The following ASAP1 variants were observed in gnomAD, a reference collection of about 807,000 sequenced individuals.
ASAP1 encodes the protein arf-GAP with SH3 domain, ANK repeat and PH domain-containing protein 1.
A neutral mutation model predicts 145.2 loss-of-function variants in ASAP1; 43 were observed. That is an observed-to-expected ratio of 0.30 (90% CI 0.23 to 0.38). The LOEUF is 0.38. Among genes scored for constraint, ASAP1 ranks in the 10% least tolerant of loss-of-function variants. ASAP1 has a pLI of 1.00. For synonymous variants in ASAP1, 546 were observed against 515.5 expected, an observed-to-expected ratio of 1.06 and a Z score of -0.80; for missense variants, 1,018 against 1,355.3, an observed-to-expected ratio of 0.75 and a Z score of 3.91.
At chr8:130,401,538 T>C (rs1179405868) in intron 2 of ASAP1, among the ~76,000 whole-genome samples, 1 of 152,144 alleles carries the variant, frequency 6.6e-6, no homozygotes, top group African/African-American at 2.4e-5. Context: ...AGCCACCATG[T>C]CCAGCCTGAA....
chr8:130,341,674 TTAAA>T (rs1189711293), intron 3 of ASAP1, among the ~76,000 whole-genome samples: 2 of 152,154 alleles, frequency 1.3e-5, no homozygotes, highest in East Asian at 3.8e-4. Flanking sequence ...GGTGCAAAGA[TTAAA>T]TAATTCCGTG....
Position 130,135,439 on chromosome 8 carries a change from T to C in ASAP1, c.1169-1095A>G, listed in dbSNP as rs796663137. 3.9e-5 allele frequency among the ~76,000 whole-genome samples: 6 copies of C among 152,050 alleles called. No homozygotes were observed. The South Asian group carries it at 1.2e-3, about 32-fold the overall frequency. ...GGTTGAGGCTGCAGTGAGCTGCGAC[T>C]GAACCACTGCACTGCAGCCTGGGTG... On this transcript the variant is annotated intron_variant, in intron 14 of 29. Coordinates refer to ENST00000518721, the MANE Select transcript of ASAP1 (RefSeq NM_018482.4).
intron 1 of ASAP1, among the ~76,000 whole-genome samples, chr8:130,440,254 C>G (rs1830445993): frequency 6.6e-6 from 1 of 152,094 alleles, no homozygotes; most frequent in African/African-American, 2.4e-5. Flanking sequence ...AAAGCAATCT[C>G]AAAAATGTCC....
At chr8:130,082,079 C>T (rs1209901846) in intron 25 of ASAP1, among the ~76,000 whole-genome samples, 3 of 152,180 alleles carry the variant, frequency 2.0e-5, no homozygotes, top group Non-Finnish European at 4.4e-5. Flanking sequence ...CACCTATCAC[C>T]TCCTGGTCTG....
At chr8:130,100,568 A>T (rs2097527024) in intron 24 of ASAP1, among the ~76,000 whole-genome samples, 2 of 152,080 alleles carry the variant, frequency 1.3e-5, no homozygotes, top group South Asian at 4.1e-4. Context: ...ACCTCAGGCA[A>T]TCTACCCACC....
intron 3 of ASAP1, among the ~76,000 whole-genome samples, chr8:130,357,717 G>T (rs976403731): frequency 2.6e-5 from 4 of 152,256 alleles, no homozygotes; most frequent in African/African-American, 9.6e-5. Flanking sequence ...AGATGTGGAA[G>T]CGCCGAACAG....
chr8:130,115,546 C>T (rs1256913003), intron 23 of ASAP1, 82 bp downstream of exon 23: 1 of 1,082,894 alleles, frequency 9.2e-7, no homozygotes, highest in East Asian at 2.4e-5. Flanking sequence ...ATCAATCAAT[C>T]TCACCAAAAA....
intron 2 of ASAP1, among the ~76,000 whole-genome samples, chr8:130,363,755 G>A (rs888322198): frequency 4.6e-5 from 7 of 152,188 alleles, no homozygotes; most frequent in African/African-American, 7.2e-5. Context: ...TCTGCTGCCT[G>A]CAAAATTGGT....
At chr8:130,087,179 A>C (rs1355361458) in intron 25 of ASAP1, among the ~76,000 whole-genome samples, 1 of 152,132 alleles carries the variant, frequency 6.6e-6, no homozygotes, top group Non-Finnish European at 1.5e-5. Context: ...TGCCCCTGAG[A>C]CCAGAAACAC....
intron 3 of ASAP1, chr8:130,340,948 T>TTTTTTGTTTTTG (rs372372205): frequency 2.2e-6 from 1 of 447,610 alleles, no homozygotes. Context: ...TACTAGGTTT[T>TTTTTTGTTTTTG]TTTTTGTTTT....
chr8:130,182,513 C>A (rs2136185247), intron 7 of ASAP1, among the ~76,000 whole-genome samples: 1 of 152,230 alleles, frequency 6.6e-6, no homozygotes, highest in Middle Eastern at 3.4e-3. Context: ...ATTTGGAAAA[C>A]CCCTAATAAA....
At chr8:130,398,409 T>A (rs1448207872) in intron 2 of ASAP1, among the ~76,000 whole-genome samples, 2 of 152,122 alleles carry the variant, frequency 1.3e-5, no homozygotes, top group Non-Finnish European at 2.9e-5. Flanking sequence ...AATAATGGTA[T>A]AGTAGTAATA....
intron 3 of ASAP1, among the ~76,000 whole-genome samples, chr8:130,254,374 A>C (rs1819387925): frequency 1.3e-5 from 2 of 152,234 alleles, no homozygotes; most frequent in Non-Finnish European, 2.9e-5. Context: ...GGAAACTCAA[A>C]TGGTGAGAAG....
At chr8:130,135,106 T>C (rs2097591423) in intron 14 of ASAP1, among the ~76,000 whole-genome samples, 1 of 152,234 alleles carries the variant, frequency 6.6e-6, no homozygotes, top group African/African-American at 2.4e-5. Context: ...CAGGTCAAAC[T>C]AACATATCCT....
chr8:130,062,492 C>T (rs1419112690), intron 27 of ASAP1, among the ~76,000 whole-genome samples: 2 of 152,146 alleles, frequency 1.3e-5, no homozygotes, highest in East Asian at 3.9e-4. Flanking sequence ...TCTCGTTCCT[C>T]TCTTGGAAGT....
chr8:130,247,537 A>G (rs1219566995), intron 3 of ASAP1, among the ~76,000 whole-genome samples: 1 of 148,264 alleles, frequency 6.7e-6, no homozygotes, highest in East Asian at 2.0e-4. Context: ...AAAAAAAAAC[A>G]ACAACAAGGA....
At chr8:130,403,541 T>A (rs1828890848) in intron 1 of ASAP1, among the ~76,000 whole-genome samples, 1 of 136,202 alleles carries the variant, frequency 7.3e-6, no homozygotes, top group Non-Finnish European at 1.5e-5. Context: ...TAAGACATTT[T>A]CTTTTTCTTT....
intron 4 of ASAP1, among the ~76,000 whole-genome samples, chr8:130,229,400 C>T (rs1817775082): frequency 6.6e-6 from 1 of 152,162 alleles, no homozygotes; most frequent in Non-Finnish European, 1.5e-5. Flanking sequence ...TACAATCCTA[C>T]TTTGATGAGA....
chr8:130,071,768 C>T (rs949654218), intron 27 of ASAP1, among the ~76,000 whole-genome samples: 1 of 152,166 alleles, frequency 6.6e-6, no homozygotes, highest in East Asian at 1.9e-4. Flanking sequence ...AACCTGCAAA[C>T]CTGAGTGTCC....
Sources: allele counts gnomAD v4.1 joint callset (sites outside exome capture counted in the v4.1 genomes callset), GRCh38; gene constraint gnomAD v4.1.1; transcripts MANE v1.5; gene names NCBI Gene and HGNC (gene_info 2026-07-23, HGNC 2026-07-21).